Variants in SYNPO2 observed in about 807,000 individuals in gnomAD.
The protein encoded by SYNPO2 is synaptopodin 2, also known as synaptopodin-2.
A neutral mutation model predicts 85.0 loss-of-function variants in SYNPO2; 56 were observed. The ratio of observed to expected loss-of-function variants is 0.66; its 90% CI spans 0.53 to 0.82. SYNPO2 has a LOEUF of 0.82. Ranked by LOEUF, SYNPO2 falls within the 40% of genes least tolerant of loss-of-function variation. The pLI is 0.00. For missense variants in SYNPO2, 1,575 were observed against 1,534.2 expected (o/e 1.03, Z -0.44); for synonymous variants, 602 against 591.1 (o/e 1.02, Z -0.27).
chr4:118,872,068 A>G (rs1024009098), intron 1 of SYNPO2, among the ~76,000 whole-genome samples: 1 of 152,356 alleles, frequency 6.6e-6, no homozygotes, highest in Non-Finnish European at 1.5e-5. Flanking sequence ...TGGCTCTGAT[A>G]TAAAGCTTCA....
Position 119,029,985 on chromosome 4 carries a change from G to T in SYNPO2, c.1210G>T (p.Ala404Ser), listed in dbSNP as rs1287971280. 2 of 1,613,978 alleles carry T rather than the reference G, an allele frequency of 1.2e-6. No homozygotes were observed. The highest frequency in any genetic ancestry group is 2.2e-5 in the East Asian group (1 of 44,888). Residue 404 changes from alanine to serine, a missense_variant, in exon 4 of 5, where the codon GCC (alanine) becomes TCC (serine). This residue lies in a region of SYNPO2 where 1,508 missense variants were observed against 1,446.8 expected (regional missense o/e 1.04). Transcript: ENST00000307142. ...GATGTTTAAGAAGCGACGTCGGAGG[G>T]CCAGGAAATACACCCTAGTTAGCTA... ...VLMFKKRRRRARKYTLVSYGT... is the reference protein window; with the variant it reads ...VLMFKKRRRRSRKYTLVSYGT...
intron 1 of SYNPO2, among the ~76,000 whole-genome samples, chr4:118,961,379 G>T (rs1735087713): frequency 6.6e-6 from 1 of 152,056 alleles, no homozygotes; most frequent in Admixed American, 6.6e-5. Flanking sequence ...CAGACACGCT[G>T]GCTTTTATTT....
chr4:119,027,523 AT>A (rs1738024191), intron 3 of SYNPO2, 85 bp downstream of exon 3: 2 of 1,260,278 alleles, frequency 1.6e-6, no homozygotes, highest in African/African-American at 1.5e-5. Context: ...TTTCAGCAAG[AT>A]TTTTCTTATG....
intron 1 of SYNPO2, among the ~76,000 whole-genome samples, 178 bp from the exon 2 acceptor site, chr4:119,023,252 G>A (rs770774884): frequency 2.6e-5 from 4 of 152,096 alleles, no homozygotes; most frequent in African/African-American, 4.8e-5. Context: ...ATGATAAAGT[G>A]TGTGGCTGTG....
chr4:119,012,375 CTTTTTTTTTTT>C (rs10651853), intron 1 of SYNPO2, among the ~76,000 whole-genome samples: 1 of 109,766 alleles, frequency 9.1e-6, no homozygotes, highest in Non-Finnish European at 1.9e-5. Context: ...TCCCCCTTTT[CTTTTTTTTTTT>C]TTTTTTTATT....
At chr4:118,883,266 C>T (rs1732142405) in intron 1 of SYNPO2, among the ~76,000 whole-genome samples, 1 of 152,058 alleles carries the variant, frequency 6.6e-6, no homozygotes, top group Non-Finnish European at 1.5e-5. Flanking sequence ...CCATTTTATT[C>T]ATAATGAAGA....
intron 1 of SYNPO2, chr4:119,006,477 T>C (rs997381918): frequency 6.6e-6 from 1 of 152,184 alleles, no homozygotes; most frequent in African/African-American, 2.4e-5. Context: ...GACTATCAAG[T>C]TCTCAGAATT....
intron 1 of SYNPO2, among the ~76,000 whole-genome samples, chr4:118,858,687 C>T (rs571000943): frequency 4.1e-4 from 62 of 152,236 alleles, no homozygotes; most frequent in African/African-American, 1.4e-3. Context: ...CACCTGGAAG[C>T]TTTCTTTGAA....
chr4:118,892,185 A>G (rs1732399137), intron 1 of SYNPO2, among the ~76,000 whole-genome samples: 1 of 152,200 alleles, frequency 6.6e-6, no homozygotes, highest in South Asian at 2.1e-4. Context: ...AAGATAAATA[A>G]CAGGAATATT....
At chr4:119,032,658 C>A in intron 4 of SYNPO2, 1 of 986,266 alleles carries the variant, frequency 1.0e-6, no homozygotes. Context: ...AATTACTGAG[C>A]ACTTATTATG....
Position 119,030,230 on chromosome 4 carries a change from A to G in SYNPO2, c.1455A>G (p.Pro485=), listed in dbSNP as rs1406297944. 6.2e-7 allele frequency: 1 copy of G among 1,614,088 alleles called. No individual in the cohort carries two copies. ...LNRGDKMEML[P]DTTGKGALMF... ...GAGGGGACAAGATGGAGATGTTACCAGACACCACAGGCAAGGGAGCCCTCA... is the reference window on the plus strand; with the variant it reads ...GAGGGGACAAGATGGAGATGTTACCGGACACCACAGGCAAGGGAGCCCTCA... Residue 485 remains proline, a synonymous_variant, in exon 4 of 5, where the codon CCA becomes CCG. Coordinates refer to ENST00000307142, the MANE Select transcript of SYNPO2 (RefSeq NM_133477.3).
intron 1 of SYNPO2, among the ~76,000 whole-genome samples, chr4:118,899,755 T>C (rs894331362): frequency 6.6e-6 from 1 of 152,130 alleles, no homozygotes; most frequent in African/African-American, 2.4e-5. Flanking sequence ...GCTGTACTTT[T>C]TTGTTTTGTT....
intron 1 of SYNPO2, among the ~76,000 whole-genome samples, chr4:118,925,325 C>G (rs1196138381): frequency 1.3e-5 from 2 of 152,118 alleles, no homozygotes; most frequent in Non-Finnish European, 2.9e-5. Flanking sequence ...GGCTCACCAG[C>G]CAGTAATATG....
At chr4:118,945,265 A>G (rs1734457653) in intron 1 of SYNPO2, among the ~76,000 whole-genome samples, 1 of 152,244 alleles carries the variant, frequency 6.6e-6, no homozygotes, top group African/African-American at 2.4e-5. Context: ...TGTACAAAGA[A>G]CACAAAGAAT....
At chr4:118,888,844 C>A, upstream of SYNPO2, 1 of 620,336 alleles carries the variant, frequency 1.6e-6, no homozygotes, top group Admixed American at 2.9e-5. Context: ...TGAGAATGAG[C>A]CCATTAGCCG....
chr4:118,924,542 G>A (rs1278050230), intron 1 of SYNPO2, among the ~76,000 whole-genome samples: 3 of 152,164 alleles, frequency 2.0e-5, no homozygotes, highest in African/African-American at 7.2e-5. Context: ...GTGGCTGGAT[G>A]GTCATGGATG....
chr4:119,059,778 C>A lies in SYNPO2; in HGVS notation c.*1844C>A, dbSNP rs1003487232. The A allele has an allele frequency of 6.6e-6, 1 of 151,592 alleles. No homozygotes were observed. The highest frequency in any genetic ancestry group is 2.4e-5 in the African/African-American group (1 of 41,280). The allele number at this position is 151,592 out of a possible 1,614,324, so 9.4% of individuals were successfully genotyped here. A position where few individuals can be genotyped will look rare whatever the true frequency, so the allele number is the denominator to read the frequency against. Reference sequence around the variant, plus strand: ...AAAAGTAAAGAAATCACAGTAAGTTCTATTAGTGATGATAGAACCAGATAT... The same window carrying A: ...AAAAGTAAAGAAATCACAGTAAGTTATATTAGTGATGATAGAACCAGATAT... On this transcript the variant is annotated 3_prime_UTR_variant, in exon 5 of 5. Transcript: ENST00000307142.
chr4:118,985,769 C>T (rs548415617), intron 1 of SYNPO2, among the ~76,000 whole-genome samples: 1 of 152,190 alleles, frequency 6.6e-6, no homozygotes, highest in African/African-American at 2.4e-5. Flanking sequence ...CTTACAGTAT[C>T]CCTGATCGAG....
At chr4:119,000,770 C>A (rs1451080870) in intron 1 of SYNPO2, among the ~76,000 whole-genome samples, 1 of 152,180 alleles carries the variant, frequency 6.6e-6, no homozygotes, top group Non-Finnish European at 1.5e-5. Context: ...GTTGAAATAA[C>A]AAAAACTTTT....
Sources: allele counts gnomAD v4.1 joint callset (sites outside exome capture counted in the v4.1 genomes callset), GRCh38; gene constraint gnomAD v4.1.1; regional missense constraint gnomAD v4.1.1; transcripts MANE v1.5; gene names NCBI Gene and HGNC (gene_info 2026-07-23, HGNC 2026-07-21).